UBASH3A: variants seen among roughly 807,000 people sequenced by gnomAD.
UBASH3A encodes ubiquitin associated and SH3 domain containing A.
UBASH3A carries 63 observed loss-of-function variants against 73.5 expected under a neutral mutation model. That is an observed-to-expected ratio of 0.86 (90% CI 0.70 to 1.06). The LOEUF (loss-of-function observed/expected upper bound fraction) is 1.06, where lower values mean the gene tolerates loss of function less well. Among genes scored for constraint, UBASH3A ranks in the 50% least tolerant of loss-of-function variants. The probability of loss-of-function intolerance (pLI) is 0.00; values close to 1 mark genes in which losing one functional copy is unlikely to be tolerated. For missense variants in UBASH3A, 860 were observed against 859.0 expected, an observed-to-expected ratio of 1.00 and a Z score of -0.02; for synonymous variants, 363 against 351.1, an observed-to-expected ratio of 1.03 and a Z score of -0.38.
rs1483979601 is a variant in UBASH3A, at chr21:42,442,384, G to A, written c.1487-68G>A. 4.6e-6 allele frequency: 7 copies of A among 1,517,256 alleles called. No individual in the cohort carries two copies. The African/African-American group carries it at 6.9e-5, about 15-fold the overall frequency. The allele number at this position is 1,517,256 out of a possible 1,614,324, so 94.0% of individuals were successfully genotyped here. A position where few individuals can be genotyped will look rare whatever the true frequency, so the allele number is the denominator to read the frequency against. On this transcript the variant is annotated intron_variant, in intron 11 of 14. Transcript: ENST00000319294. ...TGTGTGACGGTCTGAGATCTAAAAGGAGACTTATTTATGCAAAGTCAGGGT... is the reference window on the plus strand; with the variant it reads ...TGTGTGACGGTCTGAGATCTAAAAGAAGACTTATTTATGCAAAGTCAGGGT...
At chr21:42,409,704 T>C (rs1473888453) in intron 3 of UBASH3A, 96 bp downstream of exon 3, 1 of 1,158,374 alleles carries the variant, frequency 8.6e-7, no homozygotes, top group Non-Finnish European at 1.2e-6. Flanking sequence ...CTTATTTAAA[T>C]GGGATAGTCC....
chr21:42,433,748 A>C (rs887424208), intron 9 of UBASH3A, among the ~76,000 whole-genome samples: 3 of 152,158 alleles, frequency 2.0e-5, no homozygotes, highest in African/African-American at 4.8e-5. Flanking sequence ...CCAGGGAGGG[A>C]GTCTTCAGAA....
chr21:42,435,098 C>T, intron 10 of UBASH3A, 144 bp downstream of exon 10: 1 of 1,092,826 alleles, frequency 9.2e-7, no homozygotes, highest in Non-Finnish European at 1.3e-6. Flanking sequence ...GGCTGGGGCA[C>T]AGAGAGGTTA....
intron 7 of UBASH3A, among the ~76,000 whole-genome samples, chr21:42,421,037 G>A (rs2053329468): frequency 6.6e-6 from 1 of 152,212 alleles, no homozygotes; most frequent in Non-Finnish European, 1.5e-5. Context: ...GGAAGTCTAG[G>A]AACTGTCGTT....
At position 42,418,545 on chromosome 21, in the gene UBASH3A, C is replaced by G. The variant is rs377011255; in HGVS notation, c.982C>G (p.Arg328Gly). Residue 328 changes from arginine to glycine, a missense_variant, in exon 7 of 15, where the codon CGG becomes GGG. Arg to Gly is a moderately radical substitution (Grantham distance 125). Coordinates refer to ENST00000319294, the MANE Select transcript of UBASH3A (RefSeq NM_018961.4). ...TGGGATCTCACAGCGGACGGGCTGC[C>G]GGGGCTTCCTGCCGGAAAACTACAC... ...VIGISQRTGC[R>G]GFLPENYTDR... 4 of 1,614,024 alleles carry G rather than the reference C, an allele frequency of 2.5e-6. No homozygotes were observed. The highest frequency in any genetic ancestry group is 2.5e-6 in the Non-Finnish European group (3 of 1,180,026).
intron 7 of UBASH3A, among the ~76,000 whole-genome samples, chr21:42,419,860 G>A (rs539114875): frequency 1.3e-5 from 2 of 152,236 alleles, no homozygotes; most frequent in South Asian, 2.1e-4. Context: ...TTATAAAATC[G>A]GCTTTGTGTT....
Position 42,416,540 on chromosome 21 carries a change from A to T in UBASH3A, c.766A>T (p.Ile256Phe). The stretch of plus-strand genomic sequence containing the variant: ...GACGCTGGAGCAGCTGGCCAGAGCC[A>T]TCCCCCTGGGCCACAGCTGCCAGTG... ...QRTLEQLARA[I>F]PLGHSCQWTA... Residue 256 changes from isoleucine to phenylalanine, a missense_variant, in exon 6 of 15, where the codon ATC (isoleucine) becomes TTC (phenylalanine). Ile to Phe is a conservative substitution (Grantham distance 21). Coordinates refer to ENST00000319294, the MANE Select transcript of UBASH3A (RefSeq NM_018961.4). 6.2e-7 allele frequency: 1 copy of T among 1,610,926 alleles called. No individual in the cohort carries two copies. Among genetic ancestry groups the T allele is most frequent in the Non-Finnish European group, 8.5e-7 (1 of 1,178,780 alleles).
chr21:42,446,684 T>A (rs1165485719), intron 14 of UBASH3A, among the ~76,000 whole-genome samples: 3 of 152,216 alleles, frequency 2.0e-5, no homozygotes, highest in African/African-American at 7.2e-5. Flanking sequence ...AATATGAGAA[T>A]ATGAGTCACT....
intron 2 of UBASH3A, 42 bp downstream of exon 2, chr21:42,406,403 G>T (rs767793429): frequency 1.9e-6 from 3 of 1,557,024 alleles, no homozygotes; most frequent in Non-Finnish European, 2.7e-6. Context: ...CGTTTGGGCT[G>T]AATTCCCTGT....
At chr21:42,406,024 C>T (rs925782626) in intron 1 of UBASH3A, among the ~76,000 whole-genome samples, 6 of 137,912 alleles carry the variant, frequency 4.4e-5, no homozygotes, top group Non-Finnish European at 3.1e-5. Context: ...ATTGCAGGAG[C>T]GGGCGGAGGT....
intron 5 of UBASH3A, among the ~76,000 whole-genome samples, chr21:42,415,437 C>G (rs941384175): frequency 6.6e-6 from 1 of 152,240 alleles, no homozygotes; most frequent in African/African-American, 2.4e-5. Flanking sequence ...CCATTTGCCT[C>G]TAAAGGCTCA....
In UBASH3A at chr21:42,404,723, G is replaced by A. The variant is rs369066834; in HGVS notation, c.113+665G>A. Among the ~76,000 whole-genome samples the A allele has an allele frequency of 8.5e-5, 13 of 152,302 alleles. 1 individual carries two copies. The highest frequency in any genetic ancestry group is 3.9e-4 in the East Asian group (2 of 5,180). On this transcript the variant is annotated intron_variant, in intron 1 of 14. Transcript: ENST00000319294. ...ACTGTCAGCAGGGCTGTGCTTCCACGCTGCCCGGGGAAAGTCACTTGTCCT... is the reference window on the plus strand; with the variant it reads ...ACTGTCAGCAGGGCTGTGCTTCCACACTGCCCGGGGAAAGTCACTTGTCCT...
At chr21:42,432,325 T>G in intron 9 of UBASH3A, 123 bp downstream of exon 9, 1 of 652,120 alleles carries the variant, frequency 1.5e-6, no homozygotes, top group Admixed American at 2.3e-5. Flanking sequence ...AATGACCATG[T>G]GTAGACTGTA....
At chr21:42,412,220 G>A (rs1157513922) in intron 3 of UBASH3A, among the ~76,000 whole-genome samples, 1 of 152,196 alleles carries the variant, frequency 6.6e-6, no homozygotes, top group Non-Finnish European at 1.5e-5. Flanking sequence ...CTGGAGGATG[G>A]GGGTGGGAGC....
In UBASH3A at chr21:42,410,330, C is replaced by CG. The variant is rs561399252; in HGVS notation, c.354+723dup. On this transcript the variant is annotated intron_variant, in intron 3 of 14. Transcript: ENST00000319294. Reference sequence around the variant, plus strand: ...GGAAGGGCACACCCACTTCTGCTACCGCGGCCTGGCCCCAACTCTGCTGTT... The same window carrying CG: ...GGAAGGGCACACCCACTTCTGCTACCGGCGGCCTGGCCCCAACTCTGCTGTT... 4.9e-4 allele frequency: 291 copies of CG among 597,064 alleles called. 7 individuals carry two copies. The South Asian group carries it at 5.6e-3, about 12-fold the overall frequency. The allele number at this position is 597,064 out of a possible 1,614,324, so 37.0% of individuals were successfully genotyped here.
At chr21:42,408,612 T>G (rs1238933641) in intron 2 of UBASH3A, among the ~76,000 whole-genome samples, 2 of 152,230 alleles carry the variant, frequency 1.3e-5, no homozygotes, top group Non-Finnish European at 2.9e-5. Context: ...ACTTTTATCC[T>G]TTTTATTGAA....
chr21:42,436,075 TTA>T (rs2053623406), intron 10 of UBASH3A, among the ~76,000 whole-genome samples: 2 of 150,814 alleles, frequency 1.3e-5, no homozygotes, highest in Non-Finnish European at 2.9e-5. Context: ...ATAGAGTTAA[TTA>T]TAGAGTTAGA....
At chr21:42,409,708 A>G in intron 3 of UBASH3A, 100 bp downstream of exon 3, 1 of 1,112,606 alleles carries the variant, frequency 9.0e-7, no homozygotes, top group Non-Finnish European at 1.3e-6. Flanking sequence ...TTTAAATGGG[A>G]TAGTCCAGAA....
intron 11 of UBASH3A, among the ~76,000 whole-genome samples, chr21:42,440,131 A>G (rs183410914): frequency 7.9e-5 from 12 of 152,224 alleles, no homozygotes; most frequent in African/African-American, 1.9e-4. Flanking sequence ...ACCCCAGCCC[A>G]GGTGACAGGG....
Sources: allele counts gnomAD v4.1 joint callset (sites outside exome capture counted in the v4.1 genomes callset), GRCh38; gene constraint gnomAD v4.1.1; transcripts MANE v1.5; gene names NCBI Gene and HGNC (gene_info 2026-07-23, HGNC 2026-07-21).